HPN: variants seen among roughly 807,000 people sequenced by gnomAD.
The protein encoded by HPN is hepsin, also known as serine protease hepsin.
A neutral mutation model predicts 55.9 loss-of-function variants in HPN; 13 were observed. The ratio of observed to expected loss-of-function variants is 0.23; its 90% CI spans 0.15 to 0.37. The LOEUF is 0.37. Ranked by LOEUF, HPN falls within the 10% of genes least tolerant of loss-of-function variation. The probability of loss-of-function intolerance (pLI) is 1.00; values close to 1 mark genes in which losing one functional copy is unlikely to be tolerated. For missense variants in HPN, 451 were observed against 575.8 expected (o/e 0.78, Z 2.22); for synonymous variants, 225 against 240.3 (o/e 0.94, Z 0.59).
chr19:35,060,249 A>G, intron 7 of HPN, 80 bp downstream of exon 7: 2 of 1,605,042 alleles, frequency 1.2e-6, no homozygotes, highest in Admixed American at 1.7e-5. Flanking sequence ...GGATGGGGCC[A>G]TGTACTTTCA....
intron 2 of HPN, among the ~76,000 whole-genome samples, chr19:35,048,601 T>C (rs1178290300): frequency 2.0e-5 from 3 of 152,122 alleles, no homozygotes; most frequent in Non-Finnish European, 4.4e-5. Flanking sequence ...TCAATATTTT[T>C]AAATGAGGCT....
intron 1 of HPN, 148 bp from the exon 2 acceptor site, chr19:35,042,305 C>T: frequency 7.1e-7 from 1 of 1,402,344 alleles, no homozygotes; most frequent in Non-Finnish European, 9.2e-7. Context: ...TCCTTGAACC[C>T]AGCCCAATCT....
At chr19:35,041,689 C>CCAA, upstream of HPN, 7 of 385,792 alleles carry the variant, frequency 1.8e-5, no homozygotes, top group Non-Finnish European at 2.1e-5. Context: ...CCCGCCCCTT[C>CCAA]ACCCGCCCCT....
At chr19:35,044,520 TACCAGGTCTCTCC>T (rs2064322758) in intron 2 of HPN, among the ~76,000 whole-genome samples, 1 of 152,196 alleles carries the variant, frequency 6.6e-6, no homozygotes, top group South Asian at 2.1e-4. Context: ...TTCCTTGCAG[TACCAGGTCTCTCC>T]ACAAGGTGGC....
intron 1 of HPN, chr19:35,042,243 C>G: frequency 7.5e-7 from 1 of 1,333,262 alleles, no homozygotes; most frequent in Non-Finnish European, 9.6e-7. Context: ...ATGGGGGTCC[C>G]CATCCCTGCA....
intron 4 of HPN, among the ~76,000 whole-genome samples, chr19:35,057,287 G>A (rs1475022281): frequency 2.0e-5 from 3 of 152,142 alleles, no homozygotes; most frequent in East Asian, 1.9e-4. Context: ...TTAGCCAAGT[G>A]TGGTGGCATG....
intron 9 of HPN, among the ~76,000 whole-genome samples, chr19:35,063,847 G>A (rs1672990): frequency 0.62 from 94,780 of 151,994 alleles, 32,132 homozygotes; most frequent in Admixed American, 0.77. Context: ...TGGACACATG[G>A]CTTCACCTCA....
chr19:35,052,892 C>T (rs963680935), intron 4 of HPN, among the ~76,000 whole-genome samples: 3 of 152,156 alleles, frequency 2.0e-5, no homozygotes, highest in African/African-American at 4.8e-5. Context: ...TGGAAAGGAG[C>T]GAGGCCACCA....
intron 1 of HPN, 162 bp from the exon 2 acceptor site, chr19:35,042,291 C>T: frequency 7.2e-7 from 1 of 1,393,190 alleles, no homozygotes; most frequent in Non-Finnish European, 9.3e-7. Context: ...AGACACTGAC[C>T]CCATCCTTGA....
chr19:35,062,485 T>C (rs937475187), intron 9 of HPN, among the ~76,000 whole-genome samples: 5 of 152,200 alleles, frequency 3.3e-5, no homozygotes, highest in African/African-American at 1.2e-4. Flanking sequence ...CCTGGAGTAT[T>C]CCCTTGGTCT....
intron 9 of HPN, 122 bp from the exon 10 acceptor site, chr19:35,065,128 G>A (rs1051617718): frequency 7.8e-6 from 5 of 640,926 alleles, no homozygotes; most frequent in African/African-American, 7.4e-5. Context: ...AGCCTATTGT[G>A]GTTTTTTTTT....
chr19:35,049,311 G>A lies in HPN; in HGVS notation c.38G>A (p.Cys13Tyr). Residue 13 changes from cysteine (C) to tyrosine (Y), a missense_variant, in exon 3 of 13, where the codon TGC becomes TAC. Transcript: ENST00000672452. ...GCAGGTGGCCGGACTGTGCCATGCT[G>A]CTCCAGACCCAAGGTGGCAGCTCTC... Reference protein sequence around the residue: ...QKEGGRTVPCCSRPKVAALTA... With the variant: ...QKEGGRTVPCYSRPKVAALTA... The A allele has an allele frequency of 1.3e-6, 2 of 1,583,786 alleles. No homozygotes were observed. Among genetic ancestry groups the A allele is most frequent in the South Asian group, 1.2e-5 (1 of 85,856 alleles).
At chr19:35,045,460 G>A (rs8107142) in intron 2 of HPN, among the ~76,000 whole-genome samples, 20,536 of 152,060 alleles carry the variant, frequency 0.14, 1,549 homozygotes, top group African/African-American at 0.2. Context: ...AGCCAAAGGT[G>A]TTACGCGTGG....
At chr19:35,051,922 G>A (rs73040335) in intron 4 of HPN, among the ~76,000 whole-genome samples, 11,431 of 152,114 alleles carry the variant, frequency 0.075, 448 homozygotes, top group Middle Eastern at 0.095. Flanking sequence ...GTGACAACAC[G>A]TGGCATTGAG....
chr19:35,062,085 AAAGAAAAGAAAGGAAGGAAGG>A (rs2064541383), intron 9 of HPN, among the ~76,000 whole-genome samples: 1 of 152,066 alleles, frequency 6.6e-6, no homozygotes, highest in Non-Finnish European at 1.5e-5. Context: ...AAAGAAAGAG[AAAGAAAAGAAAGGAAGGAAGG>A]AAGAAAAGAA....
At position 35,042,479 on chromosome 19, in the gene HPN, C is replaced by T; in HGVS notation, c.-28C>T. The T allele has an allele frequency of 1.2e-6, 2 of 1,603,958 alleles. No homozygotes were observed. Among genetic ancestry groups the T allele is most frequent in the Non-Finnish European group, 1.7e-6 (2 of 1,175,620 alleles). Reference sequence around the variant, plus strand: ...TCCCACCCTGGCCCAGGAGGTCAGCCAGGGAATCATTAACAAGAGGCAGTG... The same window carrying T: ...TCCCACCCTGGCCCAGGAGGTCAGCTAGGGAATCATTAACAAGAGGCAGTG... On this transcript the variant is annotated 5_prime_UTR_variant, in exon 2 of 13. Transcript: ENST00000672452.
At chr19:35,065,190 G>C in intron 9 of HPN, 60 bp from the exon 10 acceptor site, 2 of 1,201,732 alleles carry the variant, frequency 1.7e-6, no homozygotes, top group Non-Finnish European at 2.4e-6. Flanking sequence ...CAGCTGGACA[G>C]AGGTTTGTAC....
intron 4 of HPN, among the ~76,000 whole-genome samples, chr19:35,058,656 A>C (rs12980334): frequency 0.14 from 21,130 of 148,032 alleles, 1,594 homozygotes; most frequent in African/African-American, 0.2. Context: ...TGTAATAATA[A>C]TACTACTCCA....
At chr19:35,052,817 C>T (rs993089613) in intron 4 of HPN, among the ~76,000 whole-genome samples, 3 of 152,118 alleles carry the variant, frequency 2.0e-5, no homozygotes, top group African/African-American at 4.8e-5. Flanking sequence ...TCAGGAAATC[C>T]TTGAGTTATG....
Sources: gnomAD v4.1 joint callset for allele counts (sites outside exome capture counted in the v4.1 genomes callset) on GRCh38, gnomAD v4.1.1 for gene constraint, MANE v1.5 for transcripts, NCBI Gene and HGNC (gene_info 2026-07-23, HGNC 2026-07-21) for gene names.